The following NELL2 variants were observed in gnomAD, a reference collection of about 807,000 sequenced individuals.
NELL2 encodes the protein protein kinase C-binding protein NELL2.
NELL2 carries 41 observed loss-of-function variants against 109.6 expected under a neutral mutation model. The ratio of observed to expected loss-of-function variants is 0.37; its 90% confidence interval spans 0.29 to 0.49. NELL2 has a LOEUF of 0.49. NELL2 is among the 20% of genes least tolerant of loss of function. The probability of loss-of-function intolerance (pLI) is 0.98; values close to 1 mark genes in which losing one functional copy is unlikely to be tolerated. For synonymous variants in NELL2, 355 were observed against 344.7 expected, an observed-to-expected ratio of 1.03 and a Z score of -0.33; for missense variants, 900 against 1,008.3, an observed-to-expected ratio of 0.89 and a Z score of 1.45.
intron 13 of NELL2, among the ~76,000 whole-genome samples, chr12:44,613,400 G>T (rs534704470): frequency 1.3e-5 from 2 of 152,124 alleles, no homozygotes; most frequent in Non-Finnish European, 2.9e-5. Context: ...GATGGGGCAA[G>T]ATAGGAACTA....
intron 9 of NELL2, among the ~76,000 whole-genome samples, chr12:44,768,778 C>A (rs1395538805): frequency 3.9e-5 from 6 of 152,004 alleles, no homozygotes; most frequent in Non-Finnish European, 2.9e-5. Context: ...TTACATAATT[C>A]CTCTCATTTT....
chr12:44,675,762 A>C (rs1452092799), intron 12 of NELL2, among the ~76,000 whole-genome samples: 1 of 152,152 alleles, frequency 6.6e-6, no homozygotes, highest in African/African-American at 2.4e-5. Context: ...GAAAGGTTTT[A>C]AGAGGTGATT....
At chr12:44,829,349 T>C (rs891059016) in intron 2 of NELL2, among the ~76,000 whole-genome samples, 3 of 152,180 alleles carry the variant, frequency 2.0e-5, no homozygotes, top group Non-Finnish European at 2.9e-5. Context: ...TTAACACATG[T>C]AGCAAATTTA....
intron 15 of NELL2, among the ~76,000 whole-genome samples, chr12:44,564,389 G>C (rs979306534): frequency 6.6e-6 from 1 of 152,112 alleles, no homozygotes. Flanking sequence ...AAAGCGAAAC[G>C]GTATAAATAC....
At chr12:44,864,269 G>C (rs1198010436) in intron 2 of NELL2, among the ~76,000 whole-genome samples, 1 of 152,112 alleles carries the variant, frequency 6.6e-6, no homozygotes, top group Non-Finnish European at 1.5e-5. Flanking sequence ...AAGACATAAA[G>C]TGGTTGAATG....
intron 9 of NELL2, among the ~76,000 whole-genome samples, chr12:44,772,390 A>T (rs1271519788): frequency 6.6e-6 from 1 of 152,190 alleles, no homozygotes; most frequent in East Asian, 1.9e-4. Context: ...CAGTCAAAGG[A>T]TTACTATTAC....
intron 2 of NELL2, among the ~76,000 whole-genome samples, chr12:44,818,718 T>C (rs1311943500): frequency 1.3e-5 from 2 of 148,946 alleles, no homozygotes; most frequent in East Asian, 3.9e-4. Context: ...CTATATTTTG[T>C]TCACTTATTT....
intron 15 of NELL2, among the ~76,000 whole-genome samples, chr12:44,588,170 CAAAA>C (rs35003349): frequency 2.0e-5 from 2 of 100,988 alleles, no homozygotes; most frequent in Non-Finnish European, 2.1e-5. Flanking sequence ...GACTCCGTCT[CAAAA>C]AAAAAAAAAA....
intron 12 of NELL2, among the ~76,000 whole-genome samples, chr12:44,683,877 T>G (rs561200447): frequency 6.6e-6 from 1 of 152,340 alleles, no homozygotes; most frequent in Admixed American, 6.5e-5. Flanking sequence ...TGGTGTAAAA[T>G]TCTCTTTTTT....
At chr12:44,580,430 A>G (rs1415510430) in intron 15 of NELL2, among the ~76,000 whole-genome samples, 3 of 152,124 alleles carry the variant, frequency 2.0e-5, no homozygotes, top group Non-Finnish European at 4.4e-5. Context: ...GACAGATGTC[A>G]TTCCAGCTGG....
chr12:44,637,626 G>A (rs1946690846), intron 13 of NELL2, among the ~76,000 whole-genome samples: 1 of 148,576 alleles, frequency 6.7e-6, no homozygotes, highest in Admixed American at 6.9e-5. Flanking sequence ...ACAAACAGAG[G>A]GAATACGCGT....
At chr12:44,882,893 C>T (rs1452792326) in intron 1 of NELL2, among the ~76,000 whole-genome samples, 7 of 132,868 alleles carry the variant, frequency 5.3e-5, no homozygotes, top group Admixed American at 2.5e-4. Context: ...CAGACTGTAG[C>T]GTAGTGGTGC....
At chr12:44,696,053 A>C (rs1027728052) in intron 12 of NELL2, among the ~76,000 whole-genome samples, 1 of 152,246 alleles carries the variant, frequency 6.6e-6, no homozygotes, top group Admixed American at 6.5e-5. Flanking sequence ...AGTTTTGCTC[A>C]CATTATTTTG....
In NELL2 at chr12:44,627,429, C is replaced by CAA. The variant is rs200944318; in HGVS notation, c.1445-16461_1445-16460dup. On this transcript the variant is annotated intron_variant, in intron 13 of 19. Coordinates refer to ENST00000429094, the MANE Select transcript of NELL2 (RefSeq NM_001145108.2). ...TACTTCACAGAAAAAGCAGATGTAC[C>CAA]AAAAAAAAAAAAAATCAGAACTGAA... 1.6e-3 allele frequency among the ~76,000 whole-genome samples: 217 copies of CAA among 139,724 alleles called. 1 individual carries two copies. Among genetic ancestry groups the CAA allele is most frequent in the African/African-American group, 4.5e-3 (173 of 38,480 alleles). The allele number at this position is 139,724 out of a possible 152,430, so 91.7% of individuals were successfully genotyped here.
chr12:44,889,592 G>A (rs1389052542), intron 1 of NELL2, among the ~76,000 whole-genome samples: 1 of 151,994 alleles, frequency 6.6e-6, no homozygotes, highest in African/African-American at 2.4e-5. Context: ...ATCATTAGGG[G>A]ACAAGTGACT....
intron 19 of NELL2, among the ~76,000 whole-genome samples, chr12:44,517,090 A>G (rs1372503416): frequency 6.6e-6 from 1 of 151,706 alleles, no homozygotes; most frequent in Non-Finnish European, 1.5e-5. Context: ...TTGTTTTGAT[A>G]TGTAACATAA....
At chr12:44,683,270 G>C (rs1428467277) in intron 12 of NELL2, among the ~76,000 whole-genome samples, 1 of 151,954 alleles carries the variant, frequency 6.6e-6, no homozygotes, top group Non-Finnish European at 1.5e-5. Flanking sequence ...CATTGATTTT[G>C]TATCCTGAGA....
At chr12:44,825,165 T>C (rs1436337390) in intron 2 of NELL2, among the ~76,000 whole-genome samples, 1 of 152,138 alleles carries the variant, frequency 6.6e-6, no homozygotes, top group Non-Finnish European at 1.5e-5. Flanking sequence ...GAAATTTTAA[T>C]AGGAATTGCA....
intron 9 of NELL2, among the ~76,000 whole-genome samples, chr12:44,738,974 C>T (rs1014140658): frequency 6.6e-6 from 1 of 152,128 alleles, no homozygotes; most frequent in Non-Finnish European, 1.5e-5. Context: ...AATTTAAAGT[C>T]CAAACTCTTT....
Sources: gnomAD v4.1 joint callset for allele counts (sites outside exome capture counted in the v4.1 genomes callset) on GRCh38, gnomAD v4.1.1 for gene constraint, MANE v1.5 for transcripts, NCBI Gene and HGNC (gene_info 2026-07-23, HGNC 2026-07-21) for gene names.